The following IL12RB2 variants were observed in gnomAD, a reference collection of about 807,000 sequenced individuals.
IL12RB2 encodes the protein interleukin 12 receptor subunit beta 2.
IL12RB2 carries 82 observed loss-of-function variants against 89.4 expected under a neutral mutation model. The ratio of observed to expected loss-of-function variants is 0.92; its 90% CI spans 0.77 to 1.10. The LOEUF (loss-of-function observed/expected upper bound fraction) is 1.10, where lower values mean the gene tolerates loss of function less well. Among genes scored for constraint, IL12RB2 ranks in the 50% least tolerant of loss-of-function variants. The pLI, the probability that IL12RB2 is intolerant of heterozygous loss-of-function variation, is 0.00. For missense variants in IL12RB2, 963 were observed against 1,031.9 expected (o/e 0.93, Z 0.92); for synonymous variants, 368 against 370.1 (o/e 0.99, Z 0.07).
At chr1:67,341,150 C>G (rs546670076) in intron 9 of IL12RB2, among the ~76,000 whole-genome samples, 1 of 152,246 alleles carries the variant, frequency 6.6e-6, no homozygotes, top group African/African-American at 2.4e-5. Flanking sequence ...CAGTAATAAT[C>G]CCATAATCCC....
At chr1:67,336,750 C>T (rs1173618938) in intron 8 of IL12RB2, among the ~76,000 whole-genome samples, 4 of 152,214 alleles carry the variant, frequency 2.6e-5, no homozygotes, top group Admixed American at 1.3e-4. Context: ...GGCACCTGCA[C>T]GGTGCAGAGC....
At chr1:67,325,662 G>T (rs1211594945) in intron 4 of IL12RB2, among the ~76,000 whole-genome samples, 1 of 152,222 alleles carries the variant, frequency 6.6e-6, no homozygotes, top group Admixed American at 6.5e-5. Flanking sequence ...GCTCTGACTT[G>T]TCCAAGGTCA....
At chr1:67,390,277 C>T (rs1449761506) in intron 16 of IL12RB2, 149 bp downstream of exon 16, 2 of 659,044 alleles carry the variant, frequency 3.0e-6, no homozygotes, top group East Asian at 2.9e-5. Context: ...AGTCATCATT[C>T]TCATTTTAAT....
intron 10 of IL12RB2, among the ~76,000 whole-genome samples, chr1:67,361,732 A>T (rs1662072328): frequency 6.6e-6 from 1 of 152,170 alleles, no homozygotes. Context: ...GGAATAAAAG[A>T]AATATTTGAA....
At chr1:67,387,072 G>A (rs1665277799) in intron 15 of IL12RB2, among the ~76,000 whole-genome samples, 1 of 151,294 alleles carries the variant, frequency 6.6e-6, no homozygotes, top group African/African-American at 2.4e-5. Flanking sequence ...GGGATTACAG[G>A]TGCCCACCAC....
At position 67,329,661 on chromosome 1, in the gene IL12RB2, A is replaced by G. The variant is rs1558307136; in HGVS notation, c.739A>G (p.Arg247Gly). 6.3e-7 allele frequency: 1 copy of G among 1,583,574 alleles called. No homozygotes were observed. The highest frequency in any genetic ancestry group is 1.7e-5 in the Admixed American group (1 of 59,984). The change falls in exon 7 of 17, where the codon AGA becomes GGA. Residue 247 changes from arginine to glycine, a missense_variant. Arg to Gly is a moderately radical substitution (Grantham distance 125, BLOSUM62 -2). Coordinates refer to ENST00000674203, the MANE Select transcript of IL12RB2 (RefSeq NM_001374259.2). ...ASVSRCTLYWRDEGLVLLNRL... is the reference protein window; with the variant it reads ...ASVSRCTLYWGDEGLVLLNRL... ...TGTGAGCAGATGTACCCTTTATTGG[A>G]GAGATGAGGGACTGGTACTGCTTAA...
At chr1:67,390,258 C>T in intron 16 of IL12RB2, 130 bp downstream of exon 16, 1 of 676,194 alleles carries the variant, frequency 1.5e-6, no homozygotes, top group Non-Finnish European at 2.7e-6. Context: ...TCACGCTTGG[C>T]TACCACTGAG....
At chr1:67,362,248 G>A (rs1465032833) in intron 10 of IL12RB2, among the ~76,000 whole-genome samples, 4 of 149,992 alleles carry the variant, frequency 2.7e-5, no homozygotes, top group Admixed American at 6.7e-5. Flanking sequence ...TCCAGCCTGG[G>A]TAACAAAGTT....
At chr1:67,363,092 G>A (rs1329126132) in intron 10 of IL12RB2, among the ~76,000 whole-genome samples, 5 of 151,636 alleles carry the variant, frequency 3.3e-5, no homozygotes, top group African/African-American at 9.7e-5. Context: ...TAGTAGAGAC[G>A]GGGTTTCACT....
chr1:67,354,025 G>T (rs1446342629), intron 10 of IL12RB2, among the ~76,000 whole-genome samples: 3 of 152,174 alleles, frequency 2.0e-5, no homozygotes, highest in Non-Finnish European at 4.4e-5. Context: ...TTGGAATCCA[G>T]CATAGGTAAA....
chr1:67,343,232 C>T (rs1659849233), intron 9 of IL12RB2, among the ~76,000 whole-genome samples: 3 of 151,682 alleles, frequency 2.0e-5, no homozygotes, highest in Admixed American at 1.3e-4. Context: ...AGACTACAGG[C>T]ATCCATCACC....
intron 16 of IL12RB2, among the ~76,000 whole-genome samples, chr1:67,393,552 C>T (rs546142193): frequency 6.6e-6 from 1 of 152,364 alleles, no homozygotes; most frequent in South Asian, 2.1e-4. Context: ...GAGCCAGACC[C>T]ACGTGCCAGG....
At chr1:67,367,491 A>AAGGAAG (rs1662822939) in intron 10 of IL12RB2, among the ~76,000 whole-genome samples, 2 of 48,950 alleles carry the variant, frequency 4.1e-5, no homozygotes, top group African/African-American at 8.0e-5. Context: ...AAGGAAGCAA[A>AAGGAAG]GAAGGAAGGA....
chr1:67,359,594 T>C (rs931238185), intron 10 of IL12RB2, among the ~76,000 whole-genome samples: 9 of 152,014 alleles, frequency 5.9e-5, no homozygotes, highest in Non-Finnish European at 1.0e-4. Flanking sequence ...TCGTGGCATA[T>C]GCCCTTAATC....
intron 9 of IL12RB2, 126 bp from the exon 10 acceptor site, chr1:67,350,744 A>T: frequency 6.5e-7 from 1 of 1,536,676 alleles, no homozygotes; most frequent in Non-Finnish European, 8.8e-7. Context: ...AGGGAACATG[A>T]GATGATATGA....
chr1:67,339,012 C>A (rs1659205377), intron 9 of IL12RB2, among the ~76,000 whole-genome samples: 1 of 152,020 alleles, frequency 6.6e-6, no homozygotes. Flanking sequence ...TCTGCCCACC[C>A]CCACCTCTCC....
intron 5 of IL12RB2, 38 bp downstream of exon 5, chr1:67,326,887 A>G (rs752453047): frequency 1.5e-6 from 2 of 1,368,978 alleles, no homozygotes; most frequent in South Asian, 2.3e-5. Flanking sequence ...TGTTTTGTAG[A>G]TCTTCTCTTA....
At chr1:67,318,590 AG>A (rs1450976490) in intron 2 of IL12RB2, among the ~76,000 whole-genome samples, 2 of 152,160 alleles carry the variant, frequency 1.3e-5, no homozygotes, top group African/African-American at 4.8e-5. Context: ...GATGAGAAAA[AG>A]GTTAGAATCA....
intron 8 of IL12RB2, among the ~76,000 whole-genome samples, chr1:67,336,340 T>A (rs1025585324): frequency 6.6e-6 from 1 of 152,136 alleles, no homozygotes; most frequent in Non-Finnish European, 1.5e-5. Flanking sequence ...TTAAACGAGA[T>A]GATGTATATA....
Sources: gnomAD v4.1 joint callset for allele counts (sites outside exome capture counted in the v4.1 genomes callset) on GRCh38, gnomAD v4.1.1 for gene constraint, MANE v1.5 for transcripts, NCBI Gene and HGNC (gene_info 2026-07-23, HGNC 2026-07-21) for gene names.